The following ARHGEF10 variants were observed in gnomAD, a reference collection of about 807,000 sequenced individuals.
ARHGEF10 encodes the protein Rho guanine nucleotide exchange factor 10, also known as Rho guanine nucleotide exchange factor (GEF) 10.
A neutral mutation model predicts 147.4 loss-of-function variants in ARHGEF10; 140 were observed. That is an observed-to-expected ratio of 0.95 (90% CI 0.83 to 1.09). The LOEUF (loss-of-function observed/expected upper bound fraction) is 1.09, where lower values mean the gene tolerates loss of function less well. ARHGEF10 is among the 50% of genes least tolerant of loss of function. The pLI is 0.00. For missense variants in ARHGEF10, 2,222 were observed against 1,752.7 expected (o/e 1.27, Z -4.78); for synonymous variants, 902 against 695.8 (o/e 1.30, Z -4.67).
chr8:1,883,167 T>C (rs1431941120), intron 10 of ARHGEF10, among the ~76,000 whole-genome samples: 1 of 151,824 alleles, frequency 6.6e-6, no homozygotes, highest in African/African-American at 2.4e-5. Flanking sequence ...AGATTTGGAG[T>C]AGACAGCTGA....
intron 6 of ARHGEF10, 141 bp downstream of exon 6, chr8:1,866,743 G>T (rs1170177958): frequency 9.0e-6 from 8 of 889,412 alleles, no homozygotes; most frequent in East Asian, 2.6e-5. Context: ...TAGTAACATG[G>T]GCTGACTGTG....
chr8:1,850,056 C>CAT (rs1804948663), intron 2 of ARHGEF10, among the ~76,000 whole-genome samples: 1 of 85,412 alleles, frequency 1.2e-5, no homozygotes, highest in African/African-American at 4.9e-5. Flanking sequence ...CTGAGGAGGG[C>CAT]GTGGGCCGGC....
chr8:1,920,781 GT>G (rs143762058), intron 18 of ARHGEF10, among the ~76,000 whole-genome samples: 3 of 149,016 alleles, frequency 2.0e-5, no homozygotes, highest in Non-Finnish European at 4.5e-5. Flanking sequence ...TTGCTCTTTC[GT>G]TTTTTTTTGT....
At position 1,899,886 on chromosome 8, in the gene ARHGEF10, A is replaced by G. The variant is rs1585456264; in HGVS notation, c.1650+1361A>G. Among the ~76,000 whole-genome samples the G allele has an allele frequency of 2.6e-5, 4 of 152,252 alleles. No individual in the cohort carries two copies. In the East Asian group the frequency reaches 7.7e-4, roughly 29 times the overall value. ...AAGGGGGTCAGGCCGCCTGTTAGAC[A>G]TTAGTTATTCAGCCACAGCTGGGAG... On this transcript the variant is annotated intron_variant, in intron 15 of 28. Coordinates refer to ENST00000349830, the MANE Select transcript of ARHGEF10 (RefSeq NM_014629.4).
In ARHGEF10 at chr8:1,869,205, G is replaced by A; in HGVS notation, c.634G>A (p.Ala212Thr). ...NTAWMENPEEAIYDDVPRENS... is the reference protein window; with the variant it reads ...NTAWMENPEETIYDDVPRENS... Reference sequence around the variant, plus strand: ...CCCGTTTATTGCAGATCCAGAGGAAGCAATTTACGATGACGTTCCAAGGGA... The same window carrying A: ...CCCGTTTATTGCAGATCCAGAGGAAACAATTTACGATGACGTTCCAAGGGA... The change falls in exon 7 of 29, where the codon GCA (alanine) becomes ACA (threonine). Residue 212 changes from alanine (A) to threonine (T), a missense_variant. Coordinates refer to ENST00000349830, the MANE Select transcript of ARHGEF10 (RefSeq NM_014629.4). 1.2e-6 allele frequency: 2 copies of A among 1,614,008 alleles called. No homozygotes were observed. Among genetic ancestry groups the A allele is most frequent in the Non-Finnish European group, 1.7e-6 (2 of 1,179,822 alleles).
At position 1,937,417 on chromosome 8, in the gene ARHGEF10, T is replaced by G. The variant is rs887438392; in HGVS notation, c.3222+3475T>G. On this transcript the variant is annotated intron_variant, in intron 26 of 28. Coordinates refer to ENST00000349830, the MANE Select transcript of ARHGEF10 (RefSeq NM_014629.4). This position sits in a 1 kb window ranked among gnomAD's most constrained non-coding sequence, Gnocchi z 4.9. Reference sequence around the variant, plus strand: ...GGTGATCTTGGATCAGCCGCCTACCTGGGTCTCAATTGTCTGAGCTGACAG... The same window carrying G: ...GGTGATCTTGGATCAGCCGCCTACCGGGGTCTCAATTGTCTGAGCTGACAG... Among the ~76,000 whole-genome samples the G allele has an allele frequency of 3.9e-5, 6 of 152,210 alleles. No individual in the cohort carries two copies. The highest frequency in any genetic ancestry group is 1.4e-4 in the African/African-American group (6 of 41,454).
chr8:1,925,309 T>C lies in ARHGEF10; in HGVS notation c.2515T>C (p.Cys839Arg), dbSNP rs894092503. ...AGAGGAGAACCACATGGGCTGGTTC[T>C]GTGTGGAAGACGATGGGAATCACAT... The part of the protein sequence containing the change: ...LEEENHMGWF[C>R]VEDDGNHIKK... The change falls in exon 22 of 29, where the codon TGT becomes CGT. Residue 839 changes from cysteine (C) to arginine (R), a missense_variant. Transcript: ENST00000349830. 2 of 1,614,046 alleles carry C rather than the reference T, an allele frequency of 1.2e-6. No homozygotes were observed. The highest frequency in any genetic ancestry group is 2.7e-5 in the African/African-American group (2 of 74,928).
upstream of ARHGEF10, chr8:1,823,832 C>T (rs1346790742): frequency 1.3e-5 from 2 of 151,596 alleles, no homozygotes; most frequent in African/African-American, 2.4e-5. Context: ...AGGGCGCTGC[C>T]GAGAAACCGG....
intron 2 of ARHGEF10, 76 bp from the exon 3 acceptor site, chr8:1,857,884 A>ATCTG (rs1264861539): frequency 1.2e-6 from 1 of 856,306 alleles, no homozygotes; most frequent in African/African-American, 2.5e-5. Flanking sequence ...CGATCGATCT[A>ATCTG]TCTATCTATC....
chr8:1,935,631 C>T (rs1035270056), intron 26 of ARHGEF10, among the ~76,000 whole-genome samples: 1 of 152,222 alleles, frequency 6.6e-6, no homozygotes, highest in African/African-American at 2.4e-5. Flanking sequence ...AGCACTGGGG[C>T]TCATAACGTC....
intron 1 of ARHGEF10, chr8:1,826,217 T>C (rs1362788268): frequency 3.2e-6 from 4 of 1,253,354 alleles, no homozygotes; most frequent in South Asian, 2.6e-5. Flanking sequence ...TTAAAAGTTA[T>C]TCAGAATAGC....
intron 20 of ARHGEF10, 44 bp from the exon 21 acceptor site, chr8:1,923,730 G>T (rs2272614): frequency 6.2e-7 from 1 of 1,613,330 alleles, no homozygotes; most frequent in African/African-American, 1.3e-5. Flanking sequence ...TCACAGGATG[G>T]AGCACGTTTT....
chr8:1,949,906 G>T (rs923791574), intron 27 of ARHGEF10, among the ~76,000 whole-genome samples: 1 of 152,126 alleles, frequency 6.6e-6, no homozygotes, highest in African/African-American at 2.4e-5. Flanking sequence ...CTTGGGGGAC[G>T]TATTGCTTCT....
intron 2 of ARHGEF10, among the ~76,000 whole-genome samples, chr8:1,854,102 A>T (rs7010312): frequency 0.67 from 102,536 of 152,102 alleles, 34,785 homozygotes; most frequent in Non-Finnish European, 0.7. Context: ...TCTGCATTGC[A>T]CTTCACTAAG....
intron 18 of ARHGEF10, among the ~76,000 whole-genome samples, chr8:1,916,496 G>A (rs1174509720): frequency 2.6e-5 from 4 of 152,130 alleles, no homozygotes; most frequent in African/African-American, 7.2e-5. Context: ...TTTTAGTCAC[G>A]GGGGAGAATT....
chr8:1,891,990 T>C (rs1809566697), intron 11 of ARHGEF10, among the ~76,000 whole-genome samples: 1 of 148,816 alleles, frequency 6.7e-6, no homozygotes, highest in Admixed American at 6.7e-5. Flanking sequence ...ATAATATAGG[T>C]ACACATATCA....
At chr8:1,897,992 A>G (rs562640725) in intron 14 of ARHGEF10, among the ~76,000 whole-genome samples, 5 of 152,278 alleles carry the variant, frequency 3.3e-5, no homozygotes, top group African/African-American at 1.2e-4. Context: ...CCCCAGGTCA[A>G]CATTGCCCAA....
intron 6 of ARHGEF10, 89 bp downstream of exon 6, chr8:1,866,691 C>T: frequency 8.5e-7 from 1 of 1,182,470 alleles, no homozygotes; most frequent in Non-Finnish European, 1.2e-6. Flanking sequence ...TCTCAGGTCC[C>T]ATCAGATCTA....
intron 14 of ARHGEF10, among the ~76,000 whole-genome samples, 178 bp downstream of exon 14, chr8:1,896,627 A>C (rs1809996441): frequency 6.6e-6 from 1 of 152,190 alleles, no homozygotes; most frequent in Admixed American, 6.5e-5. Flanking sequence ...CTTTTTGAAA[A>C]CAATTTTATT....
Sources: gnomAD v4.1 joint callset for allele counts (sites outside exome capture counted in the v4.1 genomes callset) on GRCh38, gnomAD v4.1.1 for gene constraint, Gnocchi (gnomAD v3.1) non-coding constraint, MANE v1.5 for transcripts, NCBI Gene and HGNC (gene_info 2026-07-23, HGNC 2026-07-21) for gene names.